Variants in DRC9 observed in about 807,000 individuals in gnomAD.
The protein encoded by DRC9 is dynein regulatory complex subunit 9, also known as dynein regulatory complex protein 9.
At chr3:197,951,329 G>T in the DRC9 span, 2 of 1,613,552 alleles carry the variant, frequency 1.2e-6, no homozygotes, top group East Asian at 2.2e-5. Context: ...TATGACACTG[G>T]TAGGTTTTGG....
At chr3:197,945,684 T>C in the DRC9 span, 4 of 1,325,302 alleles carry the variant, frequency 3.0e-6, no homozygotes, top group African/African-American at 3.0e-5. Flanking sequence ...AAAGTGCAGT[T>C]ACCTAAAATG....
At chr3:197,938,177 C>G in the DRC9 span, among the ~76,000 whole-genome samples, 24 of 151,968 alleles carry the variant, frequency 1.6e-4, no homozygotes, top group African/African-American at 5.1e-4. Context: ...ATTAGCCGGG[C>G]ATGGTGGCGT....
At chr3:197,943,309 T>C in the DRC9 span, among the ~76,000 whole-genome samples, 6 of 152,206 alleles carry the variant, frequency 3.9e-5, no homozygotes, top group Admixed American at 6.5e-5. Flanking sequence ...GAAAAGGATA[T>C]TCTGTCTGGT....
At chr3:197,945,672 C>T in the DRC9 span, 2 of 1,483,250 alleles carry the variant, frequency 1.3e-6, no homozygotes, top group Non-Finnish European at 1.8e-6. Flanking sequence ...TATAATCTCA[C>T]AAAAGTGCAG....
At chr3:197,928,018 G>C in the DRC9 span, among the ~76,000 whole-genome samples, 22,049 of 151,934 alleles carry the variant, frequency 0.15, 2,649 homozygotes, top group African/African-American at 0.34. Flanking sequence ...ATGACAGGCT[G>C]ATGGGTGCAG....
chr3:197,897,150 A>T, the DRC9 span, among the ~76,000 whole-genome samples: 1 of 152,094 alleles, frequency 6.6e-6, no homozygotes, highest in Admixed American at 6.5e-5. Context: ...TAAAAAAAAA[A>T]CTATACAGTA....
the DRC9 span, among the ~76,000 whole-genome samples, chr3:197,915,647 G>T: frequency 8.9e-4 from 135 of 151,956 alleles, no homozygotes; most frequent in Non-Finnish European, 1.6e-3. Flanking sequence ...CATTTTTTTT[G>T]AGATGGAGGC....
chr3:197,922,747 T>TAAATAAATAA, the DRC9 span, among the ~76,000 whole-genome samples: 57 of 145,592 alleles, frequency 3.9e-4, no homozygotes, highest in African/African-American at 1.2e-3. Context: ...TAAATAAATA[T>TAAATAAATAA]CTTCTATTTT....
the DRC9 span, among the ~76,000 whole-genome samples, chr3:197,932,897 T>TATAATATAC: frequency 1.0e-5 from 1 of 95,722 alleles, no homozygotes; most frequent in Non-Finnish European, 2.0e-5. Flanking sequence ...ATAATATATG[T>TATAATATAC]ATTATATATG....
the DRC9 span, among the ~76,000 whole-genome samples, chr3:197,915,652 G>A: frequency 4.4e-4 from 67 of 152,058 alleles, no homozygotes; most frequent in African/African-American, 1.6e-3. Flanking sequence ...TTTTTGAGAT[G>A]GAGGCTCGCT....
At chr3:197,904,110 A>AT in the DRC9 span, among the ~76,000 whole-genome samples, 162 of 80,778 alleles carry the variant, frequency 2.0e-3, 3 homozygotes, top group African/African-American at 0.011. Flanking sequence ...ATATATATAT[A>AT]TTTTTTTTTT....
chr3:197,946,309 C>G, the DRC9 span, among the ~76,000 whole-genome samples: 1 of 151,770 alleles, frequency 6.6e-6, no homozygotes, highest in Non-Finnish European at 1.5e-5. Context: ...GTGGCGGGTG[C>G]CTGTAGTCCC....
the DRC9 span, among the ~76,000 whole-genome samples, chr3:197,915,163 C>CAAAAAAAAAAAAAAAAA: frequency 2.8e-5 from 2 of 71,364 alleles, no homozygotes; most frequent in African/African-American, 8.8e-5. Flanking sequence ...GATTCTGTCT[C>CAAAAAAAAAAAAAAAAA]AAAAAAAAAA....
the DRC9 span, among the ~76,000 whole-genome samples, chr3:197,952,168 T>TG: frequency 2.3e-4 from 30 of 128,796 alleles, no homozygotes; most frequent in Non-Finnish European, 3.9e-4. Flanking sequence ...ATGGGTTTTT[T>TG]TTTTTTTTTT....
the DRC9 span, among the ~76,000 whole-genome samples, chr3:197,908,021 G>T: frequency 3.5e-3 from 449 of 129,898 alleles, no homozygotes; most frequent in African/African-American, 0.012. Context: ...TCACAGGGGT[G>T]GTGACTGTAC....
the DRC9 span, chr3:197,956,910 AGC>A: frequency 6.6e-6 from 1 of 152,204 alleles, no homozygotes; most frequent in Non-Finnish European, 1.5e-5. Flanking sequence ...TGATCTCTAC[AGC>A]ACAGGTAGTT....
chr3:197,946,164 G>A, the DRC9 span, among the ~76,000 whole-genome samples: 11 of 152,144 alleles, frequency 7.2e-5, no homozygotes, highest in African/African-American at 2.4e-4. Flanking sequence ...GGCCGGGCGC[G>A]GGGGCTCACG....
At chr3:197,908,491 G>A in the DRC9 span, among the ~76,000 whole-genome samples, 1 of 148,120 alleles carries the variant, frequency 6.8e-6, no homozygotes, top group Non-Finnish European at 1.5e-5. Flanking sequence ...TTATCACAGG[G>A]GTGACTGTAC....
the DRC9 span, among the ~76,000 whole-genome samples, chr3:197,899,732 C>T: frequency 4.6e-5 from 7 of 152,046 alleles, no homozygotes; most frequent in African/African-American, 1.7e-4. Context: ...TAGAAGCCTC[C>T]ACTGATAGTT....
Sources: gnomAD v4.1 joint callset for allele counts (sites outside exome capture counted in the v4.1 genomes callset) on GRCh38, gnomAD v4.1.1 for gene constraint, MANE v1.5 for transcripts, NCBI Gene and HGNC (gene_info 2026-07-23, HGNC 2026-07-21) for gene names.